LRRIQ1: variants seen among roughly 807,000 people sequenced by gnomAD.
The protein encoded by LRRIQ1 is leucine rich repeats and IQ motif containing 1, also known as leucine-rich repeat- and IQ domain-containing protein 1.
In LRRIQ1, 210 loss-of-function variants were observed where a neutral mutation model predicts 211.9. The ratio of observed to expected loss-of-function variants is 0.99; its 90% CI spans 0.89 to 1.11. The LOEUF is 1.11. Ranked by LOEUF, LRRIQ1 falls within the 50% of genes most tolerant of loss-of-function variation. The probability of loss-of-function intolerance (pLI) is 0.00; values close to 1 mark genes in which losing one functional copy is unlikely to be tolerated. For missense variants in LRRIQ1, 2,136 were observed against 1,939.5 expected (o/e 1.10, Z -1.90); for synonymous variants, 699 against 650.1 (o/e 1.08, Z -1.14).
At chr12:85,202,547 A>G (rs1017570582) in intron 24 of LRRIQ1, among the ~76,000 whole-genome samples, 3 of 152,040 alleles carry the variant, frequency 2.0e-5, no homozygotes, top group Non-Finnish European at 4.4e-5. Flanking sequence ...GGCCTTCTTT[A>G]TCCTTCTTGG....
intron 24 of LRRIQ1, among the ~76,000 whole-genome samples, chr12:85,221,332 T>C (rs149739300): frequency 2.6e-4 from 39 of 152,302 alleles, no homozygotes; most frequent in African/African-American, 9.1e-4. Flanking sequence ...TAATAATTAT[T>C]TTATTTCACA....
intron 11 of LRRIQ1, among the ~76,000 whole-genome samples, chr12:85,086,615 T>C (rs1302201015): frequency 2.3e-5 from 1 of 43,290 alleles, no homozygotes; most frequent in South Asian, 5.7e-4. Context: ...ATTTCTTTTC[T>C]TTTTTTTTTT....
rs199605443 is a variant in LRRIQ1 at position 85,261,825 on chromosome 12, TG to T, written c.122-1089del. Among the ~76,000 whole-genome samples the T allele has an allele frequency of 9.3e-5, 14 of 150,622 alleles. No homozygotes were observed. In the East Asian group the frequency reaches 2.5e-3, roughly 27 times the overall value. On this transcript the variant is annotated intron_variant, in intron 1 of 1. Transcript: ENST00000602731. ...TATTTTTGAGACGGAGTTTGGCTCT[TG>T]TTGTCCAGGCTGGAGTGCAATGGCA...
chr12:85,239,169 A>G (rs1271976971), intron 26 of LRRIQ1, among the ~76,000 whole-genome samples: 2 of 152,066 alleles, frequency 1.3e-5, no homozygotes, highest in African/African-American at 4.8e-5. Flanking sequence ...ATTCTCCCCA[A>G]ATGTTCTGTA....
At chr12:85,064,559 C>T (rs1435280732) in intron 8 of LRRIQ1, among the ~76,000 whole-genome samples, 2 of 151,492 alleles carry the variant, frequency 1.3e-5, no homozygotes, top group Non-Finnish European at 2.9e-5. Flanking sequence ...CCTTGGTTGC[C>T]TGTGTTTGTA....
chr12:85,191,359 T>G (rs2136939218), intron 24 of LRRIQ1, among the ~76,000 whole-genome samples: 1 of 152,124 alleles, frequency 6.6e-6, no homozygotes, highest in East Asian at 1.9e-4. Context: ...ACCAGTGATC[T>G]TTTTACTGAC....
the LRRIQ1 span, among the ~76,000 whole-genome samples, chr12:85,272,160 C>T: frequency 6.6e-6 from 1 of 152,068 alleles, no homozygotes; most frequent in Non-Finnish European, 1.5e-5. Flanking sequence ...TGAAACAGTA[C>T]ATATAGATCT....
chr12:85,229,493 A>T, intron 24 of LRRIQ1, 24 bp from the exon 25 acceptor site: 1 of 1,584,650 alleles, frequency 6.3e-7, no homozygotes, highest in Non-Finnish European at 8.5e-7. Flanking sequence ...AATAATAAGT[A>T]CACGTTCCAT....
chr12:85,133,344 A>G (rs985047819), intron 18 of LRRIQ1, among the ~76,000 whole-genome samples: 2 of 152,192 alleles, frequency 1.3e-5, no homozygotes, highest in East Asian at 1.9e-4. Flanking sequence ...TAGGCAATAA[A>G]TAGACTAGAT....
intron 24 of LRRIQ1, among the ~76,000 whole-genome samples, chr12:85,202,425 A>G (rs7958960): frequency 0.05 from 7,645 of 152,216 alleles, 635 homozygotes; most frequent in African/African-American, 0.17. Context: ...AAGCCTCTTC[A>G]TAGATCTCTT....
chr12:85,061,008 C>T (rs934269838), intron 8 of LRRIQ1, among the ~76,000 whole-genome samples: 1 of 151,766 alleles, frequency 6.6e-6, no homozygotes, highest in African/African-American at 2.4e-5. Context: ...ATAGTTCATT[C>T]TCAAGTCATG....
At chr12:85,272,119 G>C in the LRRIQ1 span, among the ~76,000 whole-genome samples, 1 of 152,122 alleles carries the variant, frequency 6.6e-6, no homozygotes, top group Non-Finnish European at 1.5e-5. Flanking sequence ...CCAGTAGTTA[G>C]AGATGCCCAA....
At chr12:85,094,177 A>G (rs1220374453) in intron 11 of LRRIQ1, among the ~76,000 whole-genome samples, 1 of 152,208 alleles carries the variant, frequency 6.6e-6, no homozygotes, top group Non-Finnish European at 1.5e-5. Context: ...GAGAGATAGC[A>G]ACCAAAATGA....
intron 11 of LRRIQ1, among the ~76,000 whole-genome samples, chr12:85,090,918 C>T (rs979982828): frequency 1.3e-5 from 2 of 152,076 alleles, no homozygotes; most frequent in African/African-American, 2.4e-5. Context: ...CTGCCCGAGT[C>T]TCATGTTGAA....
chr12:85,240,750 G>T (rs1474348447), intron 26 of LRRIQ1, among the ~76,000 whole-genome samples: 2 of 151,870 alleles, frequency 1.3e-5, no homozygotes, highest in South Asian at 4.1e-4. Context: ...GTTAAAAAGG[G>T]CTAATCTCAA....
At position 85,103,995 on chromosome 12, in the gene LRRIQ1, T is replaced by C; in HGVS notation, c.3210-9T>C. ...AGAATTTTGATGAAGTTTTTGTTTT[T>C]GTTTTCAGCTTGACTAAAATCGTAC... On this transcript the variant is annotated splice_polypyrimidine_tract_variant and intron_variant, in intron 13 of 26. Transcript: ENST00000393217. 6.4e-7 allele frequency: 1 copy of C among 1,553,254 alleles called. No individual in the cohort carries two copies. The highest frequency in any genetic ancestry group is 1.2e-5 in the South Asian group (1 of 82,592).
chr12:85,201,366 G>C (rs1893283940), intron 24 of LRRIQ1, among the ~76,000 whole-genome samples: 1 of 149,242 alleles, frequency 6.7e-6, no homozygotes, highest in Admixed American at 6.8e-5. Flanking sequence ...CAATATAAAT[G>C]ATACCAGCTC....
intron 26 of LRRIQ1, among the ~76,000 whole-genome samples, chr12:85,239,354 T>TAC (rs1491190469): frequency 0.015 from 1,259 of 86,526 alleles, 18 homozygotes; most frequent in African/African-American, 0.071. Flanking sequence ...GAAACTGTTT[T>TAC]ATACACACAC....
chr12:85,055,706 C>G lies in LRRIQ1; in HGVS notation c.913C>G (p.Pro305Ala), dbSNP rs777816354. The G allele has an allele frequency of 6.2e-7, 1 of 1,606,984 alleles. No homozygotes were observed. The highest frequency in any genetic ancestry group is 2.2e-5 in the East Asian group (1 of 44,564). ...KAFVAYQKYG[P>A]IIKEQIESKK... ...ATTTGTTGCCTATCAAAAATATGGCCCAATTATTAAAGAGCAAATTGAAAG... is the reference window on the plus strand; with the variant it reads ...ATTTGTTGCCTATCAAAAATATGGCGCAATTATTAAAGAGCAAATTGAAAG... The change falls in exon 8 of 27, where the codon CCA (proline) becomes GCA (alanine). Residue 305 changes from proline to alanine, a missense_variant. Coordinates refer to ENST00000393217, the MANE Select transcript of LRRIQ1 (RefSeq NM_001079910.2).
Sources: gnomAD v4.1 joint callset for allele counts (sites outside exome capture counted in the v4.1 genomes callset) on GRCh38, gnomAD v4.1.1 for gene constraint, MANE v1.5 for transcripts, NCBI Gene and HGNC (gene_info 2026-07-23, HGNC 2026-07-21) for gene names.